CD302: variants seen among roughly 807,000 people sequenced by gnomAD.
CD302 encodes the protein CD302 antigen.
In CD302, 23 loss-of-function variants were observed where a neutral mutation model predicts 26.5. The ratio of observed to expected loss-of-function variants is 0.87; its 90% CI spans 0.62 to 1.23. CD302 has a LOEUF of 1.23. Ranked by LOEUF, CD302 falls within the 50% of genes most tolerant of loss-of-function variation. CD302 has a pLI of 0.00. For synonymous variants in CD302, 90 were observed against 99.4 expected, an observed-to-expected ratio of 0.91 and a Z score of 0.56; for missense variants, 290 against 275.5, an observed-to-expected ratio of 1.05 and a Z score of -0.37.
Position 159,776,210 on chromosome 2 carries a change from C to T in CD302, c.496+1728G>A, listed in dbSNP as rs1451567526. 3.3e-5 allele frequency among the ~76,000 whole-genome samples: 5 copies of T among 151,778 alleles called. No individual in the cohort carries two copies. In the East Asian group the frequency reaches 5.8e-4, roughly 18 times the overall value. On this transcript the variant is annotated intron_variant, in intron 5 of 5. Transcript: ENST00000259053. The stretch of plus-strand genomic sequence containing the variant: ...CTTCAGGTTTATGCATGTTGTAGCA[C>T]GTGTCAGAATTTTCTTCTCTTTTAA...
At chr2:159,789,817 A>G (rs2125812032) in intron 1 of CD302, among the ~76,000 whole-genome samples, 1 of 152,158 alleles carries the variant, frequency 6.6e-6, no homozygotes, top group East Asian at 1.9e-4. Context: ...CAACACTATG[A>G]GATTGCCAAA....
intron 1 of CD302, among the ~76,000 whole-genome samples, chr2:159,787,310 T>C (rs1210852360): frequency 6.6e-6 from 1 of 152,218 alleles, no homozygotes; most frequent in Non-Finnish European, 1.5e-5. Flanking sequence ...GTATTTCCAG[T>C]AATACTTAAT....
chr2:159,798,097 G>A (rs1339394169), intron 1 of CD302, 35 bp downstream of exon 1: 2 of 1,490,440 alleles, frequency 1.3e-6, no homozygotes, highest in Non-Finnish European at 1.8e-6. Flanking sequence ...AGGCGGTCGC[G>A]CACGGTCCCG....
At chr2:159,791,264 AG>A (rs1344129401) in intron 1 of CD302, among the ~76,000 whole-genome samples, 1 of 152,252 alleles carries the variant, frequency 6.6e-6, no homozygotes, top group East Asian at 1.9e-4. Context: ...AAGAAAACTG[AG>A]GATACTATCT....
chr2:159,784,319 T>C (rs908855521), intron 1 of CD302, among the ~76,000 whole-genome samples: 4 of 151,050 alleles, frequency 2.6e-5, no homozygotes, highest in African/African-American at 9.7e-5. Flanking sequence ...TATATAAATA[T>C]GTAGCAATTT....
At chr2:159,783,020 ATC>A (rs1300826695) in intron 2 of CD302, among the ~76,000 whole-genome samples, 1 of 152,236 alleles carries the variant, frequency 6.6e-6, no homozygotes, top group African/African-American at 2.4e-5. Context: ...AGTTAATTTC[ATC>A]TCTCAATAAA....
At chr2:159,772,185 C>A in intron 5 of CD302, 132 bp from the exon 6 acceptor site, 1 of 1,003,764 alleles carries the variant, frequency 1.0e-6, no homozygotes, top group Non-Finnish European at 1.4e-6. Flanking sequence ...GATGAGAAAA[C>A]CAAAAATTTC....
intron 5 of CD302, 46 bp from the exon 6 acceptor site, chr2:159,772,099 A>G (rs1176550537): frequency 1.3e-6 from 2 of 1,580,980 alleles, no homozygotes; most frequent in East Asian, 4.5e-5. Context: ...TAGGGTACAC[A>G]AGTTGCAAGT....
At chr2:159,774,718 G>GACTA (rs1350288162) in intron 5 of CD302, among the ~76,000 whole-genome samples, 9 of 152,214 alleles carry the variant, frequency 5.9e-5, no homozygotes, top group African/African-American at 2.2e-4. Flanking sequence ...ACCCAGCTTG[G>GACTA]ACTAACTTGA....
chr2:159,782,196 C>A (rs773974482), intron 2 of CD302, among the ~76,000 whole-genome samples: 1 of 151,800 alleles, frequency 6.6e-6, no homozygotes, highest in Non-Finnish European at 1.5e-5. Flanking sequence ...TGATCCTGAT[C>A]ACAAGGTCAG....
intron 5 of CD302, among the ~76,000 whole-genome samples, chr2:159,774,868 C>T (rs1235365627): frequency 6.6e-6 from 1 of 152,176 alleles, no homozygotes. Flanking sequence ...GGCAGCTACA[C>T]TTAACTGTTG....
At chr2:159,777,493 A>G (rs62175197) in intron 5 of CD302, among the ~76,000 whole-genome samples, 11,328 of 152,212 alleles carry the variant, frequency 0.074, 869 homozygotes, top group African/African-American at 0.19. Flanking sequence ...TTGCCCTATG[A>G]CCCAGCTTTC....
chr2:159,778,842 A>G (rs1398632439), intron 4 of CD302, among the ~76,000 whole-genome samples: 1 of 142,176 alleles, frequency 7.0e-6, no homozygotes, highest in Non-Finnish European at 1.5e-5. Flanking sequence ...TAATGAGAAA[A>G]CAGTTACTTT....
In CD302 at chr2:159,768,971, G is replaced by A. The variant is rs1248233426; in HGVS notation, c.*2880C>T. 2 of 152,076 alleles carry A rather than the reference G, an allele frequency of 1.3e-5. No individual in the cohort carries two copies. Among genetic ancestry groups the A allele is most frequent in the Non-Finnish European group, 2.9e-5 (2 of 67,998 alleles). 9.4% of individuals were successfully genotyped at this position (152,076 alleles called of 1,614,324 possible). A position where few individuals can be genotyped will look rare whatever the true frequency, so the allele number is the denominator to read the frequency against. ...AATGCTAAATGACAGTGATAACAATGGCTTAAGCTTTACAGTATTCTTGTA... is the reference window on the plus strand; with the variant it reads ...AATGCTAAATGACAGTGATAACAATAGCTTAAGCTTTACAGTATTCTTGTA... On this transcript the variant is annotated 3_prime_UTR_variant, in exon 6 of 6. Coordinates refer to ENST00000259053, the MANE Select transcript of CD302 (RefSeq NM_014880.5).
chr2:159,779,936 A>ATTATT, intron 4 of CD302, 69 bp downstream of exon 4: 1 of 1,529,112 alleles, frequency 6.5e-7, no homozygotes, highest in Middle Eastern at 1.8e-4. Context: ...TTATCTCAAA[A>ATTATT]TTATTTTAAA....
chr2:159,780,253 A>T, intron 3 of CD302, 75 bp from the exon 4 acceptor site: 2 of 1,518,644 alleles, frequency 1.3e-6, no homozygotes, highest in Non-Finnish European at 8.9e-7. Flanking sequence ...GTAGGATTAA[A>T]GGTGGAAAGT....
Position 159,769,008 on chromosome 2 carries a change from C to G in CD302, c.*2843G>C, listed in dbSNP as rs1283015923. On this transcript the variant is annotated 3_prime_UTR_variant, in exon 6 of 6. Transcript: ENST00000259053. ...ACAGTATTCTTGTAGTTCCCTAGTACCACTTAGTATTTAAATATTGTCATA... is the reference window on the plus strand; with the variant it reads ...ACAGTATTCTTGTAGTTCCCTAGTAGCACTTAGTATTTAAATATTGTCATA... 1 of 152,084 alleles carries G rather than the reference C, an allele frequency of 6.6e-6. No individual in the cohort carries two copies. Among genetic ancestry groups the G allele is most frequent in the Non-Finnish European group, 1.5e-5 (1 of 67,998 alleles). The allele number at this position is 152,084 out of a possible 1,614,324, so 9.4% of individuals were successfully genotyped here. A position where few individuals can be genotyped will look rare whatever the true frequency, so the allele number is the denominator to read the frequency against.
At chr2:159,795,935 C>G (rs1708944124) in intron 1 of CD302, among the ~76,000 whole-genome samples, 1 of 152,234 alleles carries the variant, frequency 6.6e-6, no homozygotes. Context: ...CAAATAAATA[C>G]ATACTGATCA....
intron 1 of CD302, among the ~76,000 whole-genome samples, chr2:159,787,127 T>G (rs1169624621): frequency 6.6e-6 from 1 of 152,254 alleles, no homozygotes; most frequent in Non-Finnish European, 1.5e-5. Context: ...AAACATTCTA[T>G]GCATACTTCT....
Sources: gnomAD v4.1 joint callset for allele counts (sites outside exome capture counted in the v4.1 genomes callset) on GRCh38, gnomAD v4.1.1 for gene constraint, MANE v1.5 for transcripts, NCBI Gene and HGNC (gene_info 2026-07-23, HGNC 2026-07-21) for gene names.